The following NOP53 variants were observed in gnomAD, a reference collection of about 807,000 sequenced individuals.
NOP53 encodes the protein NOP53 ribosome biogenesis factor.
In NOP53, 40 loss-of-function variants were observed where a neutral mutation model predicts 61.0. The ratio of observed to expected loss-of-function variants is 0.66; its 90% CI spans 0.51 to 0.85. The LOEUF (loss-of-function observed/expected upper bound fraction) is 0.85. Among genes scored for constraint, NOP53 ranks in the 40% least tolerant of loss-of-function variants. The pLI is 0.00. For synonymous variants in NOP53, 308 were observed against 289.5 expected (o/e 1.06, Z -0.65); for missense variants, 689 against 652.9 (o/e 1.06, Z -0.60).
At position 47,754,857 on chromosome 19, in the gene NOP53, A is replaced by G. The variant is rs778677836; in HGVS notation, c.1019A>G (p.Gln340Arg). The change falls in exon 8 of 13, where the codon CAG (glutamine) becomes CGG (arginine). Residue 340 changes from glutamine to arginine, a missense_variant. By Grantham distance (43) the Gln-to-Arg change is conservative. Coordinates refer to ENST00000246802, the MANE Select transcript of NOP53 (RefSeq NM_015710.5). This position sits in a 1 kb window ranked among gnomAD's most constrained non-coding sequence, Gnocchi z 4.2. ...RLATTEKKTE[Q>R]QRRREKAVHR... ...GCCACCACAGAGAAGAAGACGGAGC[A>G]GCAGCGGCGGCGGGAGAAGGCTGTG... 25 of 1,534,382 alleles carry G rather than the reference A, an allele frequency of 1.6e-5. No homozygotes were observed. In the East Asian group the frequency reaches 5.9e-4, roughly 36 times the overall value.
chr19:47,755,879 C>A lies in NOP53; in HGVS notation c.1296+57C>A, dbSNP rs1408860498. On this transcript the variant is annotated intron_variant, in intron 10 of 12. Coordinates refer to ENST00000246802, the MANE Select transcript of NOP53 (RefSeq NM_015710.5). Reference sequence around the variant, plus strand: ...GCCCAGTGATGACACCATCCTTGCTCCCCGTGCCCCCCAGGGGCTATGGGC... The same window carrying A: ...GCCCAGTGATGACACCATCCTTGCTACCCGTGCCCCCCAGGGGCTATGGGC... The A allele has an allele frequency of 5.6e-6, 8 of 1,437,846 alleles. No homozygotes were observed. In the Admixed American group the frequency reaches 1.4e-4, roughly 25 times the overall value. The allele number at this position is 1,437,846 out of a possible 1,614,324, so 89.1% of individuals were successfully genotyped here.
intron 2 of NOP53, among the ~76,000 whole-genome samples, chr19:47,747,308 A>G (rs1967076517): frequency 6.6e-6 from 1 of 152,118 alleles, no homozygotes; most frequent in African/African-American, 2.4e-5. Context: ...ACATTAAAGG[A>G]TCTCTTTTTA....
Position 47,754,323 on chromosome 19 carries a change from T to G in NOP53, c.766-204T>G. Reference sequence around the variant, plus strand: ...GCAGGTCAGACTGCCTTCACAGACGTGCAGAGCAGGTGTGAGGGCGAGGGT... The same window carrying G: ...GCAGGTCAGACTGCCTTCACAGACGGGCAGAGCAGGTGTGAGGGCGAGGGT... On this transcript the variant is annotated intron_variant, in intron 6 of 12. Transcript: ENST00000246802. The surrounding 1 kb of genome is among the most constrained non-coding windows in gnomAD (Gnocchi z 4.2). The G allele has an allele frequency of 1.7e-6, 1 of 578,866 alleles. No individual in the cohort carries two copies. The highest frequency in any genetic ancestry group is 3.1e-6 in the Non-Finnish European group (1 of 320,396). The allele number at this position is 578,866 out of a possible 1,614,324, so 35.9% of individuals were successfully genotyped here.
chr19:47,751,436 G>A (rs552271624), intron 4 of NOP53, 84 bp from the exon 5 acceptor site: 3 of 1,070,070 alleles, frequency 2.8e-6, no homozygotes, highest in Middle Eastern at 2.0e-4. Context: ...TCACCTTTTT[G>A]AAATGTGGAG....
chr19:47,745,574 C>G lies in NOP53; in HGVS notation c.15C>G (p.Gly5=). ...CCTTTGACAAGATGGCGGCAGGAGG[C>G]AGTGGCGTTGGTGGGAAGCGCAGCT... is the stretch of plus-strand genomic sequence containing the variant. MAAG[G]SGVGGKRSSK... Residue 5 remains glycine (G), a synonymous_variant, in exon 1 of 13, where the codon GGC becomes GGG. Coordinates refer to ENST00000246802, the MANE Select transcript of NOP53 (RefSeq NM_015710.5). The G allele has an allele frequency of 6.2e-7, 1 of 1,613,682 alleles. No individual in the cohort carries two copies. Among genetic ancestry groups the G allele is most frequent in the South Asian group, 1.1e-5 (1 of 91,064 alleles).
chr19:47,755,422 C>T lies in NOP53; in HGVS notation c.1128C>T (p.Ala376=), dbSNP rs1373127883. Residue 376 remains alanine, a synonymous_variant, in exon 9 of 13, where the codon GCC becomes GCT. Transcript: ENST00000246802. ...TGTTCCGGCTGCGCGGGATCAAGGC[C>T]CAGGTGGCCCTGAGGCTGGCGGAGC... ...QELFRLRGIK[A]QVALRLAELA... The T allele has an allele frequency of 5.2e-6, 8 of 1,532,162 alleles. No individual in the cohort carries two copies. Among genetic ancestry groups the T allele is most frequent in the Admixed American group, 2.1e-5 (1 of 48,694 alleles). The allele number at this position is 1,532,162 out of a possible 1,614,324, so 94.9% of individuals were successfully genotyped here. A position where few individuals can be genotyped will look rare whatever the true frequency, so the allele number is the denominator to read the frequency against.
intron 8 of NOP53, 130 bp downstream of exon 8, chr19:47,755,021 G>A: frequency 1.1e-6 from 1 of 872,236 alleles, no homozygotes; most frequent in Non-Finnish European, 1.7e-6. Context: ...CTGTGGTTTG[G>A]GCTGTTTGGG....
chr19:47,756,145 C>A (rs75851803), intron 10 of NOP53: 3 of 513,456 alleles, frequency 5.8e-6, no homozygotes, highest in African/African-American at 5.7e-5. Flanking sequence ...GCTGTGGCTC[C>A]CCAGTGCCCC....
chr19:47,751,506 C>A lies in NOP53; in HGVS notation c.599-14C>A. On this transcript the variant is annotated splice_polypyrimidine_tract_variant and intron_variant, in intron 4 of 12. Transcript: ENST00000246802. ...CTGGGACTGTCCCAGCAGCTCCCCT[C>A]GCTGTATCCACAGACCCCCTGGACA... The A allele has an allele frequency of 6.2e-7, 1 of 1,610,056 alleles. No individual in the cohort carries two copies. The highest frequency in any genetic ancestry group is 8.5e-7 in the Non-Finnish European group (1 of 1,176,486).
At chr19:47,747,525 C>T (rs1035986334) in intron 2 of NOP53, among the ~76,000 whole-genome samples, 2 of 152,022 alleles carry the variant, frequency 1.3e-5, no homozygotes, top group African/African-American at 4.8e-5. Flanking sequence ...ACCTGTAATC[C>T]CAGCTACTTG....
At chr19:47,748,011 C>G (rs1057340777) in intron 2 of NOP53, among the ~76,000 whole-genome samples, 3 of 151,780 alleles carry the variant, frequency 2.0e-5, no homozygotes, top group African/African-American at 4.8e-5. Context: ...AACTCCTGAC[C>G]TCAGGTGATC....
chr19:47,750,327 A>C (rs1246218078), intron 3 of NOP53, 41 bp downstream of exon 3: 1 of 1,198,494 alleles, frequency 8.3e-7, no homozygotes, highest in Non-Finnish European at 1.2e-6. Flanking sequence ...TTCCCACCAG[A>C]CTCTGGTCCT....
intron 5 of NOP53, among the ~76,000 whole-genome samples, chr19:47,752,153 A>G (rs1168119103): frequency 3.9e-5 from 6 of 152,122 alleles, no homozygotes; most frequent in Admixed American, 6.6e-5. Context: ...TACTTAGATC[A>G]TGGGTCGGTG....
chr19:47,750,062 T>A, intron 2 of NOP53, 116 bp from the exon 3 acceptor site: 1 of 632,566 alleles, frequency 1.6e-6, no homozygotes, highest in South Asian at 1.8e-5. Context: ...GACCTCCAAG[T>A]CTCCTGGGGT....
At chr19:47,749,607 C>A (rs1364955125) in intron 2 of NOP53, among the ~76,000 whole-genome samples, 2 of 139,686 alleles carry the variant, frequency 1.4e-5, no homozygotes, top group Non-Finnish European at 3.2e-5. Context: ...GAAGTAAAAA[C>A]CACAGGTATC....
In NOP53 at chr19:47,746,144, ATG is replaced by A. The variant is rs543782020; in HGVS notation, c.224+367_224+368del. ...TATGTGTGTGTATATATATGTGTAT[ATG>A]TGTGTATATATATATGTGTATATGT... On this transcript the variant is annotated intron_variant, in intron 1 of 12. Coordinates refer to ENST00000246802, the MANE Select transcript of NOP53 (RefSeq NM_015710.5). The A allele has an allele frequency of 3.1e-5, 7 of 226,482 alleles. No homozygotes were observed. The South Asian group carries it at 5.5e-4, about 18-fold the overall frequency. 14.0% of individuals were successfully genotyped at this position (226,482 alleles called of 1,614,324 possible). A position where few individuals can be genotyped will look rare whatever the true frequency, so the allele number is the denominator to read the frequency against.
intron 10 of NOP53, 65 bp from the exon 11 acceptor site, chr19:47,756,463 G>A: frequency 2.2e-6 from 3 of 1,350,534 alleles, no homozygotes; most frequent in South Asian, 1.2e-5. Flanking sequence ...CCAGGACCCC[G>A]AGGAGAGGTC....
chr19:47,756,475 A>C, intron 10 of NOP53, 53 bp from the exon 11 acceptor site: 41 of 1,460,718 alleles, frequency 2.8e-5, no homozygotes, highest in Non-Finnish European at 3.9e-5. Flanking sequence ...GGAGAGGTCC[A>C]GGCCCTTGGG....
chr19:47,748,589 G>A (rs1967090702), intron 2 of NOP53, among the ~76,000 whole-genome samples: 1 of 151,970 alleles, frequency 6.6e-6, no homozygotes, highest in Non-Finnish European at 1.5e-5. Context: ...CTTCCAATAG[G>A]CAGGTAAAAA....
Sources: gnomAD v4.1 joint callset for allele counts (sites outside exome capture counted in the v4.1 genomes callset) on GRCh38, gnomAD v4.1.1 for gene constraint, Gnocchi (gnomAD v3.1) non-coding constraint, MANE v1.5 for transcripts, NCBI Gene and HGNC (gene_info 2026-07-23, HGNC 2026-07-21) for gene names.